The following CADM2 variants were observed in gnomAD, a reference collection of about 807,000 sequenced individuals.
CADM2 encodes immunoglobulin superfamily member 4D.
A neutral mutation model predicts 49.8 loss-of-function variants in CADM2; 12 were observed. The observed-to-expected ratio is 0.24, with a 90% CI of 0.15 to 0.39. The LOEUF (loss-of-function observed/expected upper bound fraction) is 0.39, where lower values mean the gene tolerates loss of function less well. Ranked by LOEUF, CADM2 falls within the 10% of genes least tolerant of loss-of-function variation. CADM2 has a pLI of 1.00. For synonymous variants in CADM2, 214 were observed against 175.4 expected (o/e 1.22, Z -1.74); for missense variants, 378 against 492.3 (o/e 0.77, Z 2.20).
At position 85,850,325 on chromosome 3, in the gene CADM2, T is replaced by C. The variant is rs917008286; in HGVS notation, c.239-32966T>C. 3.5e-3 allele frequency among the ~76,000 whole-genome samples: 405 copies of C among 114,872 alleles called. 2 individuals are homozygous for C. The highest frequency in any genetic ancestry group is 0.015 in the African/African-American group (388 of 26,008). 75.4% of individuals were successfully genotyped at this position (114,872 alleles called of 152,430 possible). ...GGTCTGTTGCAATTCTTTTTTTTTTTTTTTTTTTTTTTTTTTTGAGACAGA... is the reference window on the plus strand; with the variant it reads ...GGTCTGTTGCAATTCTTTTTTTTTTCTTTTTTTTTTTTTTTTTGAGACAGA... On this transcript the variant is annotated intron_variant, in intron 3 of 9. Transcript: ENST00000383699.
intron 1 of CADM2, among the ~76,000 whole-genome samples, chr3:85,158,346 T>C (rs2040207336): frequency 1.3e-5 from 2 of 152,198 alleles, no homozygotes; most frequent in Admixed American, 6.5e-5. Flanking sequence ...ACTGGGTATA[T>C]ACCCAAAGGA....
rs200421749 is a variant in CADM2 at position 85,091,676 on chromosome 3, T to G, written c.61+132008T>G. Among the ~76,000 whole-genome samples the G allele has an allele frequency of 2.4e-4, 37 of 152,260 alleles. No individual in the cohort carries two copies. The East Asian group carries it at 6.7e-3, about 28-fold the overall frequency. ...ATTTTTAGATTTAAATTGAGAAATA[T>G]CTGCTGAAAACTTAAAAATCAAACT... On this transcript the variant is annotated intron_variant, in intron 1 of 9. Coordinates refer to ENST00000383699, the MANE Select transcript of CADM2 (RefSeq NM_001167675.2).
intron 1 of CADM2, among the ~76,000 whole-genome samples, chr3:85,708,870 G>A (rs762140353): frequency 6.3e-4 from 95 of 151,896 alleles, no homozygotes; most frequent in Non-Finnish European, 9.6e-4. Context: ...TTTTAAAAAG[G>A]TTGTATGTGT....
chr3:85,472,194 A>G (rs1047367031), intron 1 of CADM2, among the ~76,000 whole-genome samples: 27 of 151,992 alleles, frequency 1.8e-4, no homozygotes, highest in Non-Finnish European at 2.9e-4. Context: ...TTTACTTAAT[A>G]TCATGAACAT....
At chr3:86,039,117 C>A (rs9854293) in intron 8 of CADM2, among the ~76,000 whole-genome samples, 14,949 of 152,108 alleles carry the variant, frequency 0.098, 864 homozygotes, top group Non-Finnish European at 0.13. Flanking sequence ...AGGAACAGCT[C>A]CAGTCTACAG....
chr3:85,979,936 T>A (rs868283436), intron 8 of CADM2, among the ~76,000 whole-genome samples: 99 of 151,620 alleles, frequency 6.5e-4, no homozygotes, highest in African/African-American at 2.2e-3. Flanking sequence ...TTCAAAGAAA[T>A]CAACCTTAAA....
chr3:85,552,533 A>T (rs1414787730), intron 1 of CADM2, among the ~76,000 whole-genome samples: 1 of 151,468 alleles, frequency 6.6e-6, no homozygotes, highest in African/African-American at 2.4e-5. Context: ...GGCGCCCGCC[A>T]CCATGCCTGG....
chr3:85,896,275 G>A (rs1715205882), intron 5 of CADM2, among the ~76,000 whole-genome samples: 1 of 152,130 alleles, frequency 6.6e-6, no homozygotes, highest in African/African-American at 2.4e-5. Context: ...GACATAGTAA[G>A]ACCTCGTCTC....
At chr3:85,791,540 GAGAA>G (rs1482438187) in intron 2 of CADM2, among the ~76,000 whole-genome samples, 37 of 142,188 alleles carry the variant, frequency 2.6e-4, no homozygotes, top group South Asian at 6.5e-4. Context: ...GAGAGAGAGA[GAGAA>G]AGAGAGAGAG....
At chr3:85,345,707 G>A (rs1238273746) in intron 1 of CADM2, among the ~76,000 whole-genome samples, 2 of 152,178 alleles carry the variant, frequency 1.3e-5, no homozygotes, top group East Asian at 3.9e-4. Context: ...AAGCACGATT[G>A]GGTTGGTTCT....
intron 8 of CADM2, among the ~76,000 whole-genome samples, chr3:86,035,075 T>C (rs1734989530): frequency 6.6e-6 from 1 of 152,060 alleles, no homozygotes; most frequent in African/African-American, 2.4e-5. Flanking sequence ...TTATTTGTAT[T>C]GTCATGGAGT....
At chr3:84,982,592 A>C (rs1341546968) in intron 1 of CADM2, among the ~76,000 whole-genome samples, 1 of 150,898 alleles carries the variant, frequency 6.6e-6, no homozygotes, top group Non-Finnish European at 1.5e-5. Flanking sequence ...AGACAATACA[A>C]AATTACTTTC....
chr3:85,792,915 T>A (rs551629334), intron 2 of CADM2, among the ~76,000 whole-genome samples: 1 of 152,160 alleles, frequency 6.6e-6, no homozygotes, highest in Non-Finnish European at 1.5e-5. Flanking sequence ...GGCCATAATT[T>A]TAGAATTTTC....
intron 1 of CADM2, among the ~76,000 whole-genome samples, chr3:85,255,656 A>G (rs1202486155): frequency 6.6e-6 from 1 of 152,078 alleles, no homozygotes; most frequent in Non-Finnish European, 1.5e-5. Context: ...AGCACTAAAT[A>G]TGGAATTTCA....
At chr3:85,818,049 T>C (rs2108166404) in intron 3 of CADM2, among the ~76,000 whole-genome samples, 1 of 152,202 alleles carries the variant, frequency 6.6e-6, no homozygotes, top group African/African-American at 2.4e-5. Context: ...TATACTCCTT[T>C]TAGAACAAAA....
intron 1 of CADM2, among the ~76,000 whole-genome samples, chr3:85,173,175 A>G (rs1450779764): frequency 6.6e-6 from 1 of 151,132 alleles, no homozygotes; most frequent in African/African-American, 2.4e-5. Flanking sequence ...TTTGTCTAGT[A>G]ACTATTTTTA....
chr3:84,983,038 C>A (rs891766925), intron 1 of CADM2, among the ~76,000 whole-genome samples: 1 of 151,820 alleles, frequency 6.6e-6, no homozygotes, highest in East Asian at 1.9e-4. Flanking sequence ...TGAGCCACTG[C>A]GCCCGGCCAA....
chr3:85,944,985 A>T (rs1167503635), intron 7 of CADM2, among the ~76,000 whole-genome samples: 1 of 152,138 alleles, frequency 6.6e-6, no homozygotes, highest in Non-Finnish European at 1.5e-5. Flanking sequence ...CGGTGAATCC[A>T]GGAGCTGGTT....
At chr3:85,012,680 G>T (rs1006040722) in intron 1 of CADM2, among the ~76,000 whole-genome samples, 19 of 150,852 alleles carry the variant, frequency 1.3e-4, no homozygotes, top group African/African-American at 4.1e-4. Flanking sequence ...ATAAAGTCCA[G>T]CTTTCTGCTA....
Sources: gnomAD v4.1 joint callset for allele counts (sites outside exome capture counted in the v4.1 genomes callset) on GRCh38, gnomAD v4.1.1 for gene constraint, MANE v1.5 for transcripts, NCBI Gene and HGNC (gene_info 2026-07-23, HGNC 2026-07-21) for gene names.